The following MYO5C variants were observed in gnomAD, a reference collection of about 807,000 sequenced individuals.
The protein encoded by MYO5C is unconventional myosin-Vc.
A neutral mutation model predicts 235.7 loss-of-function variants in MYO5C; 194 were observed. That is an observed-to-expected ratio of 0.82 (90% CI 0.73 to 0.93). The LOEUF is 0.93. Ranked by LOEUF, MYO5C falls within the 40% of genes least tolerant of loss-of-function variation. MYO5C has a pLI of 0.00. For synonymous variants in MYO5C, 707 were observed against 754.8 expected, an observed-to-expected ratio of 0.94 and a Z score of 1.04; for missense variants, 2,038 against 2,127.2, an observed-to-expected ratio of 0.96 and a Z score of 0.82.
At chr15:52,251,183 T>C (rs2141333975) in intron 13 of MYO5C, 1 of 372,558 alleles carries the variant, frequency 2.7e-6, no homozygotes, top group South Asian at 1.3e-4. Flanking sequence ...TGTGGTCTTC[T>C]AACAACACAT....
chr15:52,260,254 G>A (rs1366546492), intron 10 of MYO5C, among the ~76,000 whole-genome samples: 3 of 152,228 alleles, frequency 2.0e-5, no homozygotes, highest in Non-Finnish European at 4.4e-5. Context: ...CTGGAGGAGG[G>A]CTGGGGAAAA....
chr15:52,274,679 C>CCG (rs2140849350), intron 5 of MYO5C, among the ~76,000 whole-genome samples: 1 of 148,784 alleles, frequency 6.7e-6, no homozygotes, highest in African/African-American at 2.5e-5. Flanking sequence ...TACCCCCCCC[C>CCG]CGACATATGT....
chr15:52,247,992 C>A (rs2036389906), intron 14 of MYO5C, among the ~76,000 whole-genome samples: 1 of 152,150 alleles, frequency 6.6e-6, no homozygotes, highest in South Asian at 2.1e-4. Context: ...CCAGCCCCAC[C>A]CACTTCGCAA....
rs1475152284 is a variant in MYO5C, at chr15:52,247,611, A to AT, written c.1747-20dup. The AT allele has an allele frequency of 4.3e-6, 7 of 1,612,848 alleles. No individual in the cohort carries two copies. The African/African-American group carries it at 9.4e-5, about 22-fold the overall frequency. On this transcript the variant is annotated intron_variant, in intron 14 of 40. Transcript: ENST00000261839. ...GATGAAACTGGAAGGAACAGAGAGGATCTCAATGTCCAAAAGCAACTGCCC... is the reference window on the plus strand; with the variant it reads ...GATGAAACTGGAAGGAACAGAGAGGATTCTCAATGTCCAAAAGCAACTGCCC...
intron 8 of MYO5C, among the ~76,000 whole-genome samples, chr15:52,269,141 G>C (rs2036868418): frequency 6.6e-6 from 1 of 152,202 alleles, no homozygotes; most frequent in Non-Finnish European, 1.5e-5. Flanking sequence ...ATTGGACCTT[G>C]GCTTTACCAG....
In MYO5C at chr15:52,211,793, A is replaced by T; in HGVS notation, c.4233T>A (p.Asn1411Lys). The change falls in exon 35 of 41, where the codon AAT (asparagine) becomes AAA (lysine). Residue 1411 changes from asparagine to lysine, a missense_variant. Asn to Lys is a moderately conservative substitution (Grantham distance 94, BLOSUM62 0). Coordinates refer to ENST00000261839, the MANE Select transcript of MYO5C (RefSeq NM_018728.4). ...FMCVRYADSLNDANMLKSLMN... is the reference protein window; with the variant it reads ...FMCVRYADSLKDANMLKSLMN... ...TGAGGGACTTCAGCATGTTGGCATC[A>T]TTCAGAGAGTCTGCGTAGCGCACAC... 6.2e-7 allele frequency: 1 copy of T among 1,614,242 alleles called. No individual in the cohort carries two copies. Among genetic ancestry groups the T allele is most frequent in the Non-Finnish European group, 8.5e-7 (1 of 1,180,022 alleles).
chr15:52,277,177 A>G (rs746735579), intron 4 of MYO5C: 27 of 529,718 alleles, frequency 5.1e-5, no homozygotes, highest in Non-Finnish European at 9.3e-5. Context: ...GCCCTGTTCT[A>G]CAGCCCTGAG....
chr15:52,258,576 T>C (rs2036627672), intron 10 of MYO5C, among the ~76,000 whole-genome samples: 1 of 152,192 alleles, frequency 6.6e-6, no homozygotes, highest in Non-Finnish European at 1.5e-5. Flanking sequence ...GGCTTCCTTA[T>C]TTCCAAGTCA....
At chr15:52,204,800 C>T in intron 38 of MYO5C, 65 bp downstream of exon 38, 2 of 1,558,846 alleles carry the variant, frequency 1.3e-6, no homozygotes, top group South Asian at 1.2e-5. Flanking sequence ...GCGCGTGGGG[C>T]CTCGGACTTC....
intron 36 of MYO5C, among the ~76,000 whole-genome samples, 197 bp from the exon 37 acceptor site, chr15:52,206,163 G>A (rs4776016): frequency 0.57 from 86,766 of 151,944 alleles, 27,054 homozygotes; most frequent in Non-Finnish European, 0.71. Flanking sequence ...CTATCACACT[G>A]TCATTGTCCC....
intron 4 of MYO5C, chr15:52,277,062 C>T (rs922194061): frequency 4.3e-6 from 2 of 468,772 alleles, no homozygotes. Flanking sequence ...GATACAGAGC[C>T]CCGGTCCAAT....
intron 39 of MYO5C, among the ~76,000 whole-genome samples, chr15:52,195,942 G>T (rs2035038311): frequency 7.0e-6 from 1 of 143,628 alleles, no homozygotes; most frequent in African/African-American, 2.6e-5. Context: ...GGGACCAAAG[G>T]TGTGTGCCAT....
At chr15:52,199,098 T>A (rs2035123846) in intron 38 of MYO5C, among the ~76,000 whole-genome samples, 2 of 151,536 alleles carry the variant, frequency 1.3e-5, no homozygotes. Flanking sequence ...TTTCACTGTG[T>A]TAGCCAGGAT....
At chr15:52,216,932 T>C (rs2035568444) in intron 32 of MYO5C, among the ~76,000 whole-genome samples, 1 of 152,176 alleles carries the variant, frequency 6.6e-6, no homozygotes, top group South Asian at 2.1e-4. Context: ...AACCAAGGAA[T>C]GCCTGGAGCC....
At position 52,229,277 on chromosome 15, in the gene MYO5C, G is replaced by C; in HGVS notation, c.3063C>G (p.Asp1021Glu). The C allele has an allele frequency of 6.2e-7, 1 of 1,614,126 alleles. No homozygotes were observed. The highest frequency in any genetic ancestry group is 8.5e-7 in the Non-Finnish European group (1 of 1,180,010). Residue 1021 changes from aspartate to glutamate, a missense_variant, in exon 25 of 41, where the codon GAC becomes GAG. By Grantham distance (45) the Asp-to-Glu change is conservative. Transcript: ENST00000261839. The part of the protein sequence containing the change: ...LEKSFELKTQ[D>E]YEKQIQSLKE... Reference sequence around the variant, plus strand: ...TCAAAGACTGAATCTGCTTCTCATAGTCTTGTGTTTTCAGTTCAAAACTTT... The same window carrying C: ...TCAAAGACTGAATCTGCTTCTCATACTCTTGTGTTTTCAGTTCAAAACTTT...
Position 52,253,410 on chromosome 15 carries a change from A to G in MYO5C, c.1443T>C (p.Pro481=), listed in dbSNP as rs2036514616. ...EQEEYMKEDI[P]WTLIDFYDNQ... The stretch of plus-strand genomic sequence containing the variant: ...TGTCATAAAAATCTATCAGCGTCCA[A>G]GGTATATCTTCCTTCATGTATTCTT... Residue 481 remains proline, a synonymous_variant, in exon 12 of 41, where the codon CCT becomes CCC. Transcript: ENST00000261839. The G allele has an allele frequency of 6.2e-7, 1 of 1,613,834 alleles. No homozygotes were observed. Among genetic ancestry groups the G allele is most frequent in the African/African-American group, 1.3e-5 (1 of 74,940 alleles).
chr15:52,239,628 C>G, intron 21 of MYO5C, 105 bp downstream of exon 21: 2 of 1,276,324 alleles, frequency 1.6e-6, no homozygotes, highest in Non-Finnish European at 2.2e-6. Context: ...AACTGAACCT[C>G]CTAACATGGC....
chr15:52,269,964 CT>C, intron 7 of MYO5C, 104 bp from the exon 8 acceptor site: 1 of 799,248 alleles, frequency 1.3e-6, no homozygotes, highest in Non-Finnish European at 2.1e-6. Flanking sequence ...GTGTCATGCA[CT>C]TTACACAGTT....
At chr15:52,231,508 C>T (rs1021244066) in intron 24 of MYO5C, among the ~76,000 whole-genome samples, 2 of 152,128 alleles carry the variant, frequency 1.3e-5, no homozygotes, top group Admixed American at 1.3e-4. Context: ...AACTCATCGA[C>T]AATTATATTT....
Sources: allele counts gnomAD v4.1 joint callset (sites outside exome capture counted in the v4.1 genomes callset), GRCh38; gene constraint gnomAD v4.1.1; transcripts MANE v1.5; gene names NCBI Gene and HGNC (gene_info 2026-07-23, HGNC 2026-07-21).